MSRA: variants seen among roughly 807,000 people sequenced by gnomAD.
The protein encoded by MSRA is methionine sulfoxide reductase A.
A neutral mutation model predicts 31.3 loss-of-function variants in MSRA; 54 were observed. The ratio of observed to expected loss-of-function variants is 1.73; its 90% confidence interval spans 1.39 to 2.17. The LOEUF is 2.17. MSRA is among the 30% of genes most tolerant of loss of function. The pLI, the probability that MSRA is intolerant of heterozygous loss-of-function variation, is 0.00. For synonymous variants in MSRA, 169 were observed against 116.5 expected (o/e 1.45, Z -2.90); for missense variants, 507 against 300.9 (o/e 1.69, Z -5.07).
intron 5 of MSRA, among the ~76,000 whole-genome samples, chr8:10,358,562 ATTCTTTTTTTTTTTTTTTTTTTTTT>A (rs1804647557): frequency 1.2e-5 from 1 of 80,490 alleles, no homozygotes; most frequent in African/African-American, 5.2e-5. Context: ...GCAGCATTAG[ATTCTTTTTTTTTTTTTTTTTTTTTT>A]TTTTTTTTTT....
chr8:10,316,694 G>T (rs1213666287), intron 4 of MSRA, among the ~76,000 whole-genome samples: 1 of 152,032 alleles, frequency 6.6e-6, no homozygotes, highest in Non-Finnish European at 1.5e-5. Context: ...AAATGGACAG[G>T]ATTAAGTTCT....
chr8:10,170,960 T>C (rs150260763), intron 1 of MSRA, among the ~76,000 whole-genome samples: 1 of 152,362 alleles, frequency 6.6e-6, no homozygotes, highest in East Asian at 1.9e-4. Flanking sequence ...CAGCATGATG[T>C]TGCATAGGCG....
intron 3 of MSRA, among the ~76,000 whole-genome samples, chr8:10,268,538 C>G (rs1371354588): frequency 6.6e-6 from 1 of 152,240 alleles, no homozygotes; most frequent in African/African-American, 2.4e-5. Context: ...TCTGCCTCTT[C>G]TCTCCCTATC....
At chr8:10,376,888 A>G (rs1246062806) in intron 5 of MSRA, among the ~76,000 whole-genome samples, 1 of 152,228 alleles carries the variant, frequency 6.6e-6, no homozygotes, top group African/African-American at 2.4e-5. Context: ...TTACTGTATC[A>G]TTGCACTGAA....
At chr8:10,428,091 T>G (rs1001173404) in intron 5 of MSRA, 57 bp from the exon 6 acceptor site, 1 of 1,562,602 alleles carries the variant, frequency 6.4e-7, no homozygotes, top group African/African-American at 1.4e-5. Context: ...GTGCCACCCC[T>G]CGCAGGTGCT....
intron 2 of MSRA, among the ~76,000 whole-genome samples, chr8:10,243,007 G>A (rs1797417552): frequency 1.3e-5 from 2 of 152,090 alleles, no homozygotes; most frequent in South Asian, 2.1e-4. Flanking sequence ...GCATTAAAAG[G>A]GGATTAAATA....
At chr8:10,248,878 T>C (rs1585270352) in intron 3 of MSRA, among the ~76,000 whole-genome samples, 1 of 152,318 alleles carries the variant, frequency 6.6e-6, no homozygotes, top group East Asian at 1.9e-4. Flanking sequence ...AGTCGCCCAT[T>C]GAGAGTGGCA....
intron 3 of MSRA, among the ~76,000 whole-genome samples, chr8:10,258,457 T>C (rs948038710): frequency 1.4e-4 from 21 of 152,208 alleles, no homozygotes; most frequent in African/African-American, 4.6e-4. Flanking sequence ...CTATGTCTTT[T>C]CATCTCCCTA....
chr8:10,282,053 C>G (rs772852510), intron 3 of MSRA, among the ~76,000 whole-genome samples: 12 of 152,264 alleles, frequency 7.9e-5, no homozygotes, highest in South Asian at 2.1e-4. Flanking sequence ...TCTCCCCCCA[C>G]GTACAATAGT....
intron 2 of MSRA, among the ~76,000 whole-genome samples, chr8:10,212,248 A>C (rs1035241762): frequency 6.6e-6 from 1 of 152,184 alleles, no homozygotes; most frequent in African/African-American, 2.4e-5. Flanking sequence ...AAACTAGGAT[A>C]CATTCGAGAG....
intron 2 of MSRA, among the ~76,000 whole-genome samples, chr8:10,235,458 C>A (rs1811862774): frequency 6.6e-6 from 1 of 151,830 alleles, no homozygotes; most frequent in Non-Finnish European, 1.5e-5. Context: ...AATAAATAAG[C>A]TAATAATTCA....
At position 10,303,879 on chromosome 8, in the gene MSRA, A is replaced by T. The variant is rs951507130; in HGVS notation, c.436+2241A>T. ...CTTACTAATCCACCCATTCAATCCA[A>T]ACAATCTTATGCCCATTATATTTGC... On this transcript the variant is annotated intron_variant, in intron 4 of 5. Coordinates refer to ENST00000317173, the MANE Select transcript of MSRA (RefSeq NM_012331.5). Among the ~76,000 whole-genome samples, 12 of 152,288 alleles carry T rather than the reference A, an allele frequency of 7.9e-5. 1 individual carries two copies. The South Asian group carries it at 2.5e-3, about 32-fold the overall frequency.
intron 1 of MSRA, among the ~76,000 whole-genome samples, chr8:10,172,529 G>T (rs770185724): frequency 1.3e-5 from 2 of 152,142 alleles, no homozygotes; most frequent in Non-Finnish European, 2.9e-5. Context: ...TAGGGGCGGA[G>T]GTTAGGGAAT....
intron 3 of MSRA, among the ~76,000 whole-genome samples, chr8:10,278,400 C>G (rs1296726285): frequency 6.6e-6 from 1 of 152,246 alleles, no homozygotes; most frequent in African/African-American, 2.4e-5. Context: ...AGGTTGACTT[C>G]TTGTTCATGT....
chr8:10,394,041 A>G (rs1424865925), intron 5 of MSRA, among the ~76,000 whole-genome samples: 1 of 152,212 alleles, frequency 6.6e-6, no homozygotes, highest in Admixed American at 6.5e-5. Context: ...CAACATGACC[A>G]GTGTTAACTT....
At chr8:10,159,447 G>C (rs1804449423) in intron 1 of MSRA, among the ~76,000 whole-genome samples, 2 of 152,214 alleles carry the variant, frequency 1.3e-5, no homozygotes, top group East Asian at 1.9e-4. Context: ...AGGTTGGAGA[G>C]TGAGAGGAAA....
intron 1 of MSRA, among the ~76,000 whole-genome samples, chr8:10,194,178 G>A (rs537197579): frequency 6.6e-6 from 1 of 152,156 alleles, no homozygotes. Flanking sequence ...TAAAAAAGGG[G>A]TGAACCCACA....
chr8:10,191,413 G>GT (rs1422771510), intron 1 of MSRA, among the ~76,000 whole-genome samples: 2 of 152,130 alleles, frequency 1.3e-5, no homozygotes, highest in Non-Finnish European at 2.9e-5. Flanking sequence ...TTTCTTCATT[G>GT]TTTTTGTAAG....
At chr8:10,418,815 T>TAAAAAAAAAAAAAA (rs71203323) in intron 5 of MSRA, among the ~76,000 whole-genome samples, 2 of 66,030 alleles carry the variant, frequency 3.0e-5, no homozygotes, top group Admixed American at 5.8e-4. Flanking sequence ...TTACTACGAC[T>TAAAAAAAAAAAAAA]AAAAAAAAAA....
Sources: allele counts gnomAD v4.1 joint callset (sites outside exome capture counted in the v4.1 genomes callset), GRCh38; gene constraint gnomAD v4.1.1; transcripts MANE v1.5; gene names NCBI Gene and HGNC (gene_info 2026-07-23, HGNC 2026-07-21).